Variants in ODAD2 observed in about 807,000 individuals in gnomAD.
The protein encoded by ODAD2 is outer dynein arm docking complex subunit 2, also known as outer dynein arm-docking complex subunit 2.
A neutral mutation model predicts 106.8 loss-of-function variants in ODAD2; 89 were observed. The observed-to-expected ratio is 0.83, with a 90% confidence interval of 0.70 to 0.99. The LOEUF (loss-of-function observed/expected upper bound fraction) is 0.99. Ranked by LOEUF, ODAD2 falls within the 50% of genes least tolerant of loss-of-function variation. The pLI is 0.00. For missense variants in ODAD2, 1,168 were observed against 1,238.5 expected, an observed-to-expected ratio of 0.94 and a Z score of 0.85; for synonymous variants, 404 against 436.2, an observed-to-expected ratio of 0.93 and a Z score of 0.92.
intron 10 of ODAD2, among the ~76,000 whole-genome samples, chr10:27,959,825 TAG>T (rs1847998996): frequency 6.6e-6 from 1 of 152,168 alleles, no homozygotes; most frequent in Admixed American, 6.5e-5. Flanking sequence ...TTTTTTGTGG[TAG>T]AGTTATGCTA....
rs370685571 is a variant in ODAD2, at chr10:27,875,231, C to G, written c.2611-12609G>C. Among the ~76,000 whole-genome samples, 16 of 152,306 alleles carry G rather than the reference C, an allele frequency of 1.1e-4. No individual in the cohort carries two copies. In the East Asian group the frequency reaches 1.9e-3, roughly 18 times the overall value. On this transcript the variant is annotated intron_variant, in intron 17 of 19. Transcript: ENST00000305242. ...CACATCATTTAAGGACTTCTCTACA[C>G]TGGTTATTCTAGTTAGCCCTTCATC...
intron 19 of ODAD2, among the ~76,000 whole-genome samples, chr10:27,845,197 A>G (rs917295813): frequency 2.0e-5 from 3 of 152,264 alleles, no homozygotes; most frequent in African/African-American, 4.8e-5. Context: ...CACAAAGGGA[A>G]GCCCATCAGA....
chr10:27,842,206 G>A (rs16928362), intron 19 of ODAD2, among the ~76,000 whole-genome samples: 2,590 of 152,200 alleles, frequency 0.017, 81 homozygotes, highest in African/African-American at 0.059. Flanking sequence ...CCATTTACAT[G>A]TTTTTGACCC....
In ODAD2 at chr10:27,944,898, T is replaced by G; in HGVS notation, c.1451A>C (p.Glu484Ala). 1 of 1,614,182 alleles carries G rather than the reference T, an allele frequency of 6.2e-7. No homozygotes were observed. Among genetic ancestry groups the G allele is most frequent in the Non-Finnish European group, 8.5e-7 (1 of 1,180,018 alleles). ...CSMRDFSLAQ[E>A]TCQLAIRDVG... ...ATCTCTGATGGCCAACTGGCAGGTT[T>G]CTTGAGCTAAGCTGAAATCCCTCAT... Residue 484 changes from glutamate to alanine, a missense_variant, in exon 11 of 20, where the codon GAA becomes GCA. Glu to Ala is a moderately radical substitution (Grantham distance 107, BLOSUM62 -1). Transcript: ENST00000305242.
intron 10 of ODAD2, among the ~76,000 whole-genome samples, chr10:27,958,306 A>T (rs1352355638): frequency 2.6e-5 from 4 of 152,208 alleles, no homozygotes; most frequent in African/African-American, 9.6e-5. Context: ...TAAAGCTACA[A>T]GGACTTATCC....
intron 17 of ODAD2, among the ~76,000 whole-genome samples, chr10:27,865,837 C>T (rs572659217): frequency 1.1e-4 from 16 of 152,310 alleles, no homozygotes; most frequent in African/African-American, 2.4e-4. Flanking sequence ...AGTGTGAGGG[C>T]GAAGCCACTT....
intron 17 of ODAD2, among the ~76,000 whole-genome samples, chr10:27,876,817 A>G (rs997079654): frequency 1.3e-5 from 2 of 152,190 alleles, no homozygotes; most frequent in Non-Finnish European, 2.9e-5. Context: ...CTCTATATGC[A>G]TGTTCCCTGA....
At chr10:27,917,241 A>G (rs1454927178) in intron 16 of ODAD2, among the ~76,000 whole-genome samples, 2 of 152,178 alleles carry the variant, frequency 1.3e-5, no homozygotes, top group African/African-American at 4.8e-5. Context: ...CTGGAAAATA[A>G]CCAGTTTTAG....
intron 19 of ODAD2, among the ~76,000 whole-genome samples, chr10:27,834,404 A>G (rs1837708280): frequency 6.6e-6 from 1 of 152,192 alleles, no homozygotes; most frequent in Non-Finnish European, 1.5e-5. Context: ...ATAGGGCAAG[A>G]AACACAAACA....
At chr10:27,927,199 A>G (rs1845314595) in intron 16 of ODAD2, among the ~76,000 whole-genome samples, 1 of 152,152 alleles carries the variant, frequency 6.6e-6, no homozygotes, top group Non-Finnish European at 1.5e-5. Flanking sequence ...CCTACTGAGA[A>G]ACATATAAAG....
At chr10:27,860,206 C>G (rs943835273) in intron 19 of ODAD2, among the ~76,000 whole-genome samples, 2 of 152,144 alleles carry the variant, frequency 1.3e-5, no homozygotes, top group African/African-American at 4.8e-5. Context: ...AATCCCAACA[C>G]TTTGGGAGGC....
chr10:27,920,282 T>C (rs548764247), intron 16 of ODAD2, among the ~76,000 whole-genome samples: 1 of 152,272 alleles, frequency 6.6e-6, no homozygotes, highest in East Asian at 1.9e-4. Context: ...TTATGTATAG[T>C]TTACAAATTA....
At chr10:27,907,252 A>G (rs1480621216) in intron 17 of ODAD2, among the ~76,000 whole-genome samples, 4 of 152,168 alleles carry the variant, frequency 2.6e-5, no homozygotes, top group Admixed American at 6.5e-5. Flanking sequence ...AGCAACACAG[A>G]ACGTAGTGCT....
intron 17 of ODAD2, among the ~76,000 whole-genome samples, chr10:27,888,735 A>AC (rs1356879580): frequency 1.3e-5 from 2 of 152,136 alleles, no homozygotes; most frequent in Non-Finnish European, 2.9e-5. Flanking sequence ...ACTGTACAGT[A>AC]CCCCTTAAAT....
chr10:27,983,130 T>C (rs1307808238), intron 6 of ODAD2, among the ~76,000 whole-genome samples: 1 of 152,162 alleles, frequency 6.6e-6, no homozygotes, highest in African/African-American at 2.4e-5. Flanking sequence ...GTAGCAACAG[T>C]TGGTTCCAGT....
At chr10:27,905,086 C>T (rs952883443) in intron 17 of ODAD2, 11 of 206,514 alleles carry the variant, frequency 5.3e-5, no homozygotes, top group East Asian at 2.3e-4. Context: ...AGATCTAAGA[C>T]GATGCTGGAT....
rs1326136028 is a variant in ODAD2 at position 27,995,174 on chromosome 10, A to G, written c.-32T>C. 1.2e-6 allele frequency: 2 copies of G among 1,612,942 alleles called. No individual in the cohort carries two copies. The highest frequency in any genetic ancestry group is 2.7e-5 in the African/African-American group (2 of 74,882). ...CACCGTGCTCAGACCTGAGCTTAGC[A>G]CACGCACTACATCAGAGCAGAAAGA... On this transcript the variant is annotated 5_prime_UTR_variant, in exon 2 of 20. Transcript: ENST00000305242.
intron 19 of ODAD2, among the ~76,000 whole-genome samples, chr10:27,842,666 A>T (rs377565587): frequency 1.2e-4 from 19 of 152,336 alleles, no homozygotes; most frequent in African/African-American, 3.8e-4. Flanking sequence ...GCCAAAAATA[A>T]TTCCCCACAG....
At chr10:27,939,138 AAC>A (rs150761167) in intron 14 of ODAD2, among the ~76,000 whole-genome samples, 139 of 150,626 alleles carry the variant, frequency 9.2e-4, no homozygotes, top group African/African-American at 3.1e-3. Context: ...ATAAAACAGG[AAC>A]ACACACACAC....
Sources: allele counts gnomAD v4.1 joint callset (sites outside exome capture counted in the v4.1 genomes callset), GRCh38; gene constraint gnomAD v4.1.1; transcripts MANE v1.5; gene names NCBI Gene and HGNC (gene_info 2026-07-23, HGNC 2026-07-21).